IL15: variants seen among roughly 807,000 people sequenced by gnomAD.
IL15 encodes the protein interleukin 15.
IL15 carries 11 observed loss-of-function variants against 19.6 expected under a neutral mutation model. The ratio of observed to expected loss-of-function variants is 0.56; its 90% CI spans 0.35 to 0.93. IL15 has a LOEUF of 0.93. Ranked by LOEUF, IL15 falls within the 40% of genes least tolerant of loss-of-function variation. IL15 has a pLI of 0.01. For missense variants in IL15, 197 were observed against 186.5 expected, an observed-to-expected ratio of 1.06 and a Z score of -0.33; for synonymous variants, 58 against 59.6, an observed-to-expected ratio of 0.97 and a Z score of 0.12.
In IL15 at chr4:141,636,596, G is replaced by GT. The variant is rs1216945651; in HGVS notation, c.-372dup. ...TCTTTCACTTTTCTTTTCGCCAGGG[G>GT]TTGGGACTCCGGGTGGCAGGCGCCC... On this transcript the variant is annotated 5_prime_UTR_variant, in exon 1 of 8. Transcript: ENST00000320650. The GT allele has an allele frequency of 6.6e-6, 1 of 152,184 alleles. No individual in the cohort carries two copies. The highest frequency in any genetic ancestry group is 2.4e-5 in the African/African-American group (1 of 41,414). 9.4% of individuals were successfully genotyped at this position (152,184 alleles called of 1,614,324 possible).
At chr4:141,695,120 A>G (rs769321050) in intron 2 of IL15, among the ~76,000 whole-genome samples, 1 of 151,888 alleles carries the variant, frequency 6.6e-6, no homozygotes, top group African/African-American at 2.4e-5. Context: ...CACTCTCAAC[A>G]TGCTTTAAAT....
At chr4:141,636,773 T>G (rs1377113679) in intron 1 of IL15, 25 bp downstream of exon 1, 1 of 152,034 alleles carries the variant, frequency 6.6e-6, no homozygotes, top group Non-Finnish European at 1.5e-5. Flanking sequence ...TTCTTTGCCT[T>G]GGGAGGGGAG....
At chr4:141,652,160 A>G (rs1727429516) in intron 1 of IL15, among the ~76,000 whole-genome samples, 1 of 152,170 alleles carries the variant, frequency 6.6e-6, no homozygotes, top group Admixed American at 6.5e-5. Context: ...ATGGCAATCT[A>G]TTTATAATAA....
In IL15 at chr4:141,733,263, C is replaced by G. The variant is rs1730512628; in HGVS notation, c.*415C>G. 1 of 161,394 alleles carries G rather than the reference C, an allele frequency of 6.2e-6. No individual in the cohort carries two copies. Among genetic ancestry groups the G allele is most frequent in the Admixed American group, 6.5e-5 (1 of 15,418 alleles). The allele number at this position is 161,394 out of a possible 1,614,324, so 10.0% of individuals were successfully genotyped here. ...CCAATGCTGCAGGTCAACAGCTATG[C>G]TGGTAGGCTCCTGCCAGTGTGGAAC... is the stretch of plus-strand genomic sequence containing the variant. On this transcript the variant is annotated 3_prime_UTR_variant, in exon 8 of 8. Coordinates refer to ENST00000320650, the MANE Select transcript of IL15 (RefSeq NM_000585.5).
intron 2 of IL15, among the ~76,000 whole-genome samples, chr4:141,708,878 G>T (rs138273006): frequency 6.6e-6 from 1 of 151,984 alleles, no homozygotes; most frequent in African/African-American, 2.4e-5. Context: ...ACTTGGACAG[G>T]TATTTTAATT....
intron 2 of IL15, among the ~76,000 whole-genome samples, chr4:141,682,860 G>A (rs1325583421): frequency 2.0e-5 from 3 of 151,576 alleles, no homozygotes; most frequent in African/African-American, 7.3e-5. Context: ...TGGAAGGCCC[G>A]GGAATGGCAT....
At chr4:141,691,146 T>C (rs1480963445) in intron 2 of IL15, among the ~76,000 whole-genome samples, 1 of 15,042 alleles carries the variant, frequency 6.6e-5, no homozygotes, top group Non-Finnish European at 1.2e-4. Context: ...GCAGGAGCGA[T>C]AGAACATGCA....
chr4:141,658,647 A>T (rs1372538936), intron 2 of IL15, among the ~76,000 whole-genome samples: 1 of 152,038 alleles, frequency 6.6e-6, no homozygotes, highest in Non-Finnish European at 1.5e-5. Flanking sequence ...TAAACAGTAG[A>T]ATAAGTAAAG....
intron 2 of IL15, among the ~76,000 whole-genome samples, chr4:141,682,702 T>C (rs1216741529): frequency 1.3e-5 from 2 of 151,904 alleles, no homozygotes; most frequent in Admixed American, 6.6e-5. Flanking sequence ...TGTGGTATAA[T>C]AAAAACAATA....
chr4:141,656,301 A>G lies in IL15; in HGVS notation c.-106A>G, dbSNP rs1727594600. ...TGTTAGCAGATAGCCAGCCCATACA[A>G]GATCGTGTAAGTAAAGTTTTAAAAG... On this transcript the variant is annotated 5_prime_UTR_variant, in exon 2 of 8. Transcript: ENST00000320650. The G allele has an allele frequency of 2.5e-6, 1 of 398,230 alleles. No individual in the cohort carries two copies. The highest frequency in any genetic ancestry group is 4.4e-6 in the Non-Finnish European group (1 of 225,866). The allele number at this position is 398,230 out of a possible 1,614,324, so 24.7% of individuals were successfully genotyped here. A position where few individuals can be genotyped will look rare whatever the true frequency, so the allele number is the denominator to read the frequency against.
chr4:141,708,343 C>T (rs944163206), intron 2 of IL15, among the ~76,000 whole-genome samples: 1 of 152,098 alleles, frequency 6.6e-6, no homozygotes, highest in African/African-American at 2.4e-5. Flanking sequence ...GAGAGCAGGG[C>T]CTCAGGGATG....
At position 141,671,047 on chromosome 4, in the gene IL15, A is replaced by G. The variant is rs555893974; in HGVS notation, c.-100+14740A>G. Among the ~76,000 whole-genome samples, 10 of 152,314 alleles carry G rather than the reference A, an allele frequency of 6.6e-5. No homozygotes were observed. In the East Asian group the frequency reaches 1.7e-3, roughly 26 times the overall value. ...AAGGAGCAGACTCATTTATCTATCCATTCATCCATCCGTCTAACAATTCAC... is the reference window on the plus strand; with the variant it reads ...AAGGAGCAGACTCATTTATCTATCCGTTCATCCATCCGTCTAACAATTCAC... On this transcript the variant is annotated intron_variant, in intron 2 of 7. Transcript: ENST00000320650.
At chr4:141,700,972 G>T (rs1729277114) in intron 2 of IL15, among the ~76,000 whole-genome samples, 1 of 151,912 alleles carries the variant, frequency 6.6e-6, no homozygotes, top group African/African-American at 2.4e-5. Context: ...GAGAAGTTCT[G>T]ATTTTTTTAA....
At chr4:141,641,545 C>T (rs898516782) in intron 1 of IL15, among the ~76,000 whole-genome samples, 8 of 151,874 alleles carry the variant, frequency 5.3e-5, no homozygotes, top group African/African-American at 9.7e-5. Flanking sequence ...TTTGTAGGGA[C>T]GTGGATGAAG....
intron 2 of IL15, among the ~76,000 whole-genome samples, chr4:141,688,285 A>G (rs577087866): frequency 2.0e-5 from 3 of 152,308 alleles, no homozygotes; most frequent in African/African-American, 7.2e-5. Context: ...TACCTTGTGT[A>G]CATAAACCAG....
chr4:141,691,926 C>T (rs1399368526), intron 2 of IL15, among the ~76,000 whole-genome samples: 1 of 152,240 alleles, frequency 6.6e-6, no homozygotes, highest in Non-Finnish European at 1.5e-5. Context: ...GGGGCTCCAA[C>T]CCCACAATTC....
In IL15 at chr4:141,656,290, C is replaced by T. The variant is rs1157529898; in HGVS notation, c.-117C>T. The T allele has an allele frequency of 1.3e-5, 5 of 398,092 alleles. No individual in the cohort carries two copies. Among genetic ancestry groups the T allele is most frequent in the African/African-American group, 8.2e-5 (4 of 48,544 alleles). The allele number at this position is 398,092 out of a possible 1,614,324, so 24.7% of individuals were successfully genotyped here. On this transcript the variant is annotated 5_prime_UTR_variant, in exon 2 of 8. The change creates a premature stop within an existing upstream ORF in the 5' untranslated region. Coordinates refer to ENST00000320650, the MANE Select transcript of IL15 (RefSeq NM_000585.5). ...ACAGAAATCAATGTTAGCAGATAGCCAGCCCATACAAGATCGTGTAAGTAA... is the reference window on the plus strand; with the variant it reads ...ACAGAAATCAATGTTAGCAGATAGCTAGCCCATACAAGATCGTGTAAGTAA...
At chr4:141,687,118 A>G (rs542231451) in intron 2 of IL15, among the ~76,000 whole-genome samples, 1 of 152,256 alleles carries the variant, frequency 6.6e-6, no homozygotes, top group South Asian at 2.1e-4. Flanking sequence ...GCCTTAGAGA[A>G]GTTCAGGTTT....
chr4:141,676,720 G>C (rs1387570870), intron 2 of IL15, among the ~76,000 whole-genome samples: 1 of 151,790 alleles, frequency 6.6e-6, no homozygotes, highest in East Asian at 1.9e-4. Context: ...TGACTTCACA[G>C]GATTTATGAC....
Sources: allele counts gnomAD v4.1 joint callset (sites outside exome capture counted in the v4.1 genomes callset), GRCh38; gene constraint gnomAD v4.1.1; transcripts MANE v1.5; gene names NCBI Gene and HGNC (gene_info 2026-07-23, HGNC 2026-07-21).